Variants in RYR2 observed in about 807,000 individuals in gnomAD.
RYR2 encodes ryanodine receptor 2, also known as cardiac muscle ryanodine receptor-calcium release channel.
In RYR2, 227 loss-of-function variants were observed where a neutral mutation model predicts 601.1. That is an observed-to-expected ratio of 0.38 (90% CI 0.34 to 0.42). The LOEUF is 0.42. Ranked by LOEUF, RYR2 falls within the 10% of genes least tolerant of loss-of-function variation. RYR2 has a pLI of 1.00. For synonymous variants in RYR2, 2,223 were observed against 2,175.1 expected (o/e 1.02, Z -0.61); for missense variants, 4,646 against 6,156.5 (o/e 0.75, Z 8.21).
chr1:237,741,399 C>T (rs1254924966), intron 79 of RYR2, among the ~76,000 whole-genome samples: 1 of 151,996 alleles, frequency 6.6e-6, no homozygotes, highest in African/African-American at 2.4e-5. Flanking sequence ...TGCCTTCATA[C>T]ACCCCATGGA....
intron 1 of RYR2, among the ~76,000 whole-genome samples, chr1:237,142,469 C>G (rs561664958): frequency 7.9e-5 from 12 of 152,112 alleles, no homozygotes; most frequent in Admixed American, 3.3e-4. Flanking sequence ...GGCTTGGGTC[C>G]CTGGGAAGGA....
Position 237,794,071 on chromosome 1 carries a change from C to A in RYR2, c.13913+74C>A, listed in dbSNP as rs891253358. 6.0e-6 allele frequency: 8 copies of A among 1,333,326 alleles called. No homozygotes were observed. The African/African-American group carries it at 8.7e-5, about 15-fold the overall frequency. The allele number at this position is 1,333,326 out of a possible 1,614,324, so 82.6% of individuals were successfully genotyped here. On this transcript the variant is annotated intron_variant, in intron 95 of 104. Coordinates refer to ENST00000366574, the MANE Select transcript of RYR2 (RefSeq NM_001035.3). ...TGAAAATATTTGGTTGGAGTTCCTG[C>A]AGATTTGTCAAAAGTTTAGCAGAGG...
intron 12 of RYR2, among the ~76,000 whole-genome samples, chr1:237,432,715 T>C (rs2150106763): frequency 6.6e-6 from 1 of 152,268 alleles, no homozygotes; most frequent in Non-Finnish European, 1.5e-5. Context: ...GAGCTGGTGA[T>C]TCAAATTCCT....
chr1:237,499,790 T>C (rs1664440118), intron 20 of RYR2, among the ~76,000 whole-genome samples: 1 of 152,176 alleles, frequency 6.6e-6, no homozygotes, highest in Non-Finnish European at 1.5e-5. Flanking sequence ...TATCACAAAG[T>C]CTATTTTTGT....
At chr1:237,554,197 T>C (rs908703914) in intron 27 of RYR2, among the ~76,000 whole-genome samples, 3 of 151,898 alleles carry the variant, frequency 2.0e-5, no homozygotes, top group African/African-American at 7.2e-5. Flanking sequence ...GGTGATTTTA[T>C]CATAAATAGG....
At chr1:237,512,801 A>T (rs1054161639) in intron 24 of RYR2, among the ~76,000 whole-genome samples, 2 of 152,094 alleles carry the variant, frequency 1.3e-5, no homozygotes, top group Non-Finnish European at 2.9e-5. Context: ...AGCCTGGGAG[A>T]TTGAGGCTCC....
chr1:237,517,734 G>A (rs1361741961), intron 24 of RYR2, among the ~76,000 whole-genome samples: 1 of 152,042 alleles, frequency 6.6e-6, no homozygotes, highest in East Asian at 1.9e-4. Flanking sequence ...GTTTCCACAG[G>A]CAACTGCCCT....
intron 62 of RYR2, among the ~76,000 whole-genome samples, chr1:237,682,034 A>G (rs910084932): frequency 6.6e-6 from 1 of 152,164 alleles, no homozygotes; most frequent in African/African-American, 2.4e-5. Flanking sequence ...AAATAAATCA[A>G]TGCAAATTCT....
At chr1:237,399,258 G>A (rs1222784349) in intron 10 of RYR2, among the ~76,000 whole-genome samples, 1 of 152,090 alleles carries the variant, frequency 6.6e-6, no homozygotes, top group Non-Finnish European at 1.5e-5. Flanking sequence ...AGGCAATTAT[G>A]CTGAATGGAA....
At chr1:237,382,523 C>T (rs1260057947) in intron 8 of RYR2, among the ~76,000 whole-genome samples, 2 of 119,124 alleles carry the variant, frequency 1.7e-5, no homozygotes, top group Admixed American at 9.6e-5. Flanking sequence ...TTATCCCTCC[C>T]CCCTCCCCCC....
At chr1:237,669,721 T>C (rs1488362148) in intron 58 of RYR2, among the ~76,000 whole-genome samples, 7 of 147,520 alleles carry the variant, frequency 4.7e-5, no homozygotes, top group Admixed American at 2.0e-4. Context: ...CCTCACTTCC[T>C]AGATGTGATG....
chr1:237,509,083 C>G (rs896849390), intron 23 of RYR2, among the ~76,000 whole-genome samples: 2 of 152,144 alleles, frequency 1.3e-5, no homozygotes, highest in African/African-American at 2.4e-5. Context: ...ACCGTGGGGC[C>G]TTCTTGCCCG....
intron 14 of RYR2, among the ~76,000 whole-genome samples, chr1:237,449,518 T>C (rs1657804504): frequency 6.6e-6 from 1 of 152,164 alleles, no homozygotes; most frequent in African/African-American, 2.4e-5. Flanking sequence ...GAGATTTAAA[T>C]AACAAAAACA....
intron 29 of RYR2, among the ~76,000 whole-genome samples, chr1:237,585,973 A>G (rs1559068857): frequency 1.3e-5 from 2 of 152,358 alleles, no homozygotes; most frequent in Non-Finnish European, 2.9e-5. Context: ...ACACAGAGAA[A>G]AAATTGACTT....
At chr1:237,523,418 G>A (rs1667277649) in intron 24 of RYR2, among the ~76,000 whole-genome samples, 1 of 152,068 alleles carries the variant, frequency 6.6e-6, no homozygotes, top group African/African-American at 2.4e-5. Context: ...TCAATAATAA[G>A]AATACACAAA....
chr1:237,083,219 TGA>T (rs946828043), intron 1 of RYR2, among the ~76,000 whole-genome samples: 17 of 152,246 alleles, frequency 1.1e-4, no homozygotes, highest in Admixed American at 3.9e-4. Flanking sequence ...TGCTTTGAAG[TGA>T]GAGAGAAAAT....
intron 51 of RYR2, among the ~76,000 whole-genome samples, chr1:237,653,927 T>C (rs1682997834): frequency 6.6e-6 from 1 of 152,174 alleles, no homozygotes; most frequent in Admixed American, 6.5e-5. Context: ...CCTGCCTTTA[T>C]CCTAGCCGTG....
chr1:237,545,202 G>A (rs74150110), intron 25 of RYR2, among the ~76,000 whole-genome samples: 6 of 152,186 alleles, frequency 3.9e-5, no homozygotes, highest in African/African-American at 1.4e-4. Context: ...GAAGAAATCT[G>A]TATGGGAAGA....
intron 1 of RYR2, among the ~76,000 whole-genome samples, chr1:237,053,046 A>G (rs1661482513): frequency 6.6e-6 from 1 of 152,066 alleles, no homozygotes; most frequent in Admixed American, 6.5e-5. Flanking sequence ...ATGGGGTTTC[A>G]CCATGTTGGC....
Sources: allele counts gnomAD v4.1 joint callset (sites outside exome capture counted in the v4.1 genomes callset), GRCh38; gene constraint gnomAD v4.1.1; transcripts MANE v1.5; gene names NCBI Gene and HGNC (gene_info 2026-07-23, HGNC 2026-07-21).